The following PHLDB2 variants were observed in gnomAD, a reference collection of about 807,000 sequenced individuals.
The protein encoded by PHLDB2 is pleckstrin homology-like domain family B member 2.
Under a neutral mutation model 123.6 loss-of-function variants are expected in PHLDB2, and 71 were observed. The ratio of observed to expected loss-of-function variants is 0.57; its 90% CI spans 0.47 to 0.70. The LOEUF (loss-of-function observed/expected upper bound fraction) is 0.70. Among genes scored for constraint, PHLDB2 ranks in the 30% least tolerant of loss-of-function variants. The pLI is 0.00. For synonymous variants in PHLDB2, 547 were observed against 541.6 expected (o/e 1.01, Z -0.14); for missense variants, 1,446 against 1,519.5 (o/e 0.95, Z 0.80).
chr3:111,786,468 G>T (rs925117379), intron 1 of PHLDB2, among the ~76,000 whole-genome samples: 1 of 152,178 alleles, frequency 6.6e-6, no homozygotes, highest in Non-Finnish European at 1.5e-5. Flanking sequence ...GGGTTGGGAT[G>T]TTAAACTGAT....
intron 10 of PHLDB2, among the ~76,000 whole-genome samples, chr3:111,950,095 C>T (rs76743536): frequency 6.6e-6 from 1 of 152,080 alleles, no homozygotes; most frequent in Admixed American, 6.6e-5. Context: ...TGAGTGTTCC[C>T]TACTGGCTTT....
Position 111,799,463 on chromosome 3 carries a change from T to C in PHLDB2, c.-48-46358T>C, listed in dbSNP as rs149627261. ...ACATTGGTGAGGTAGACAGCTTCAATTGGTCTTTAAAAATATAGACTGATT... is the reference window on the plus strand; with the variant it reads ...ACATTGGTGAGGTAGACAGCTTCAACTGGTCTTTAAAAATATAGACTGATT... On this transcript the variant is annotated intron_variant, in intron 1 of 17. Coordinates refer to the PHLDB2 transcript ENST00000393923. Among the ~76,000 whole-genome samples, 255 of 152,336 alleles carry C rather than the reference T, an allele frequency of 1.7e-3. 1 individual carries two copies. Among genetic ancestry groups the C allele is most frequent in the African/African-American group, 5.3e-3 (219 of 41,580 alleles).
intron 2 of PHLDB2, among the ~76,000 whole-genome samples, chr3:111,849,860 G>C (rs1254294375): frequency 6.6e-6 from 1 of 151,854 alleles, no homozygotes; most frequent in Non-Finnish European, 1.5e-5. Flanking sequence ...GGAGCTGGAG[G>C]CCATTATTCT....
intron 1 of PHLDB2, among the ~76,000 whole-genome samples, chr3:111,773,378 T>C (rs1364942583): frequency 6.6e-6 from 1 of 151,654 alleles, no homozygotes. Flanking sequence ...CAGCCAAGGG[T>C]TGTGAATATG....
At chr3:111,866,683 C>T (rs1010281159) in intron 1 of PHLDB2, among the ~76,000 whole-genome samples, 1 of 152,086 alleles carries the variant, frequency 6.6e-6, no homozygotes, top group Non-Finnish European at 1.5e-5. Context: ...GTTGATAATT[C>T]TCTTGCTTGA....
intron 11 of PHLDB2, 137 bp downstream of exon 11, chr3:111,952,849 T>A: frequency 1.9e-6 from 2 of 1,056,676 alleles, no homozygotes; most frequent in East Asian, 2.6e-5. Flanking sequence ...ACATCAGGAC[T>A]AAATCTCATT....
chr3:111,744,277 T>C (rs2059648763), intron 1 of PHLDB2, among the ~76,000 whole-genome samples: 1 of 152,150 alleles, frequency 6.6e-6, no homozygotes, highest in African/African-American at 2.4e-5. Context: ...TTGGCAATAA[T>C]TGAGTAATAT....
At chr3:111,770,663 T>C (rs2108046324) in intron 1 of PHLDB2, among the ~76,000 whole-genome samples, 1 of 152,188 alleles carries the variant, frequency 6.6e-6, no homozygotes, top group Admixed American at 6.5e-5. Flanking sequence ...ATTTCATAAA[T>C]GGAAAAACTT....
intron 12 of PHLDB2, among the ~76,000 whole-genome samples, chr3:111,955,265 G>T (rs1374874687): frequency 5.3e-5 from 8 of 151,488 alleles, no homozygotes; most frequent in Non-Finnish European, 1.2e-4. Context: ...ATTTGCAGTG[G>T]TAATATTTGA....
rs540685883 is a variant in PHLDB2, at chr3:111,859,449, G to T, written c.-142G>T. 1 of 985,424 alleles carries T rather than the reference G, an allele frequency of 1.0e-6. No homozygotes were observed. Among genetic ancestry groups the T allele is most frequent in the African/African-American group, 1.7e-5 (1 of 57,258 alleles). 61.0% of individuals were successfully genotyped at this position (985,424 alleles called of 1,614,324 possible). On this transcript the variant is annotated 5_prime_UTR_variant, in exon 1 of 18. Transcript: ENST00000431670. ...GGTTACAAAGGGGGTCAAGAGTGCCGGACCCAGCCGCGCGGAGCCCACCAT... is the reference window on the plus strand; with the variant it reads ...GGTTACAAAGGGGGTCAAGAGTGCCTGACCCAGCCGCGCGGAGCCCACCAT...
At chr3:111,843,362 T>C (rs1243789184) in intron 1 of PHLDB2, among the ~76,000 whole-genome samples, 2 of 152,236 alleles carry the variant, frequency 1.3e-5, no homozygotes, top group South Asian at 4.1e-4. Flanking sequence ...TATATCTCCT[T>C]CGGAGCAATG....
chr3:111,877,341 A>G (rs1339811141), intron 1 of PHLDB2, among the ~76,000 whole-genome samples: 4 of 150,748 alleles, frequency 2.7e-5, no homozygotes, highest in Non-Finnish European at 3.0e-5. Context: ...CTTTTTTTTC[A>G]TATGTTTGTT....
chr3:111,962,462 A>G (rs1271288295), intron 13 of PHLDB2, 150 bp downstream of exon 13: 7 of 637,346 alleles, frequency 1.1e-5, no homozygotes, highest in Non-Finnish European at 1.6e-5. Flanking sequence ...TGGTATCATG[A>G]TGGCCTTTGA....
intron 10 of PHLDB2, among the ~76,000 whole-genome samples, chr3:111,951,500 C>T (rs2070717268): frequency 6.6e-6 from 1 of 152,060 alleles, no homozygotes; most frequent in South Asian, 2.1e-4. Context: ...TTCAAATTTG[C>T]ATTAATTTTT....
intron 6 of PHLDB2, among the ~76,000 whole-genome samples, chr3:111,935,382 A>G (rs915811677): frequency 1.3e-5 from 2 of 152,266 alleles, no homozygotes; most frequent in African/African-American, 2.4e-5. Context: ...TAGTTTATCC[A>G]TTAGTCTTGG....
At chr3:111,839,940 CT>C (rs3082317) in intron 1 of PHLDB2, among the ~76,000 whole-genome samples, 796 of 64,848 alleles carry the variant, frequency 0.012, 2 homozygotes, top group African/African-American at 0.043. Context: ...CCCACCCCCG[CT>C]TTTTTTTTTT....
intron 1 of PHLDB2, among the ~76,000 whole-genome samples, chr3:111,811,932 A>C (rs554853095): frequency 6.6e-6 from 1 of 152,266 alleles, no homozygotes; most frequent in South Asian, 2.1e-4. Flanking sequence ...GCTGCTTTCC[A>C]CCTTAACTGT....
intron 1 of PHLDB2, among the ~76,000 whole-genome samples, chr3:111,821,025 C>T (rs956496217): frequency 6.6e-6 from 1 of 152,084 alleles, no homozygotes; most frequent in African/African-American, 2.4e-5. Context: ...TTCCAAGAGC[C>T]CCTGAAGTTC....
At chr3:111,786,969 T>C (rs2060703606) in intron 1 of PHLDB2, among the ~76,000 whole-genome samples, 2 of 152,174 alleles carry the variant, frequency 1.3e-5, no homozygotes, top group South Asian at 4.1e-4. Context: ...TTCACACATT[T>C]GTCATTCATC....
Sources: gnomAD v4.1 joint callset for allele counts (sites outside exome capture counted in the v4.1 genomes callset) on GRCh38, gnomAD v4.1.1 for gene constraint, MANE v1.5 for transcripts, NCBI Gene and HGNC (gene_info 2026-07-23, HGNC 2026-07-21) for gene names.